Variants in CHRM3 observed in about 807,000 individuals in gnomAD.
The protein encoded by CHRM3 is muscarinic acetylcholine receptor M3.
Under a neutral mutation model 41.8 loss-of-function variants are expected in CHRM3, and 11 were observed. The ratio of observed to expected loss-of-function variants is 0.26; its 90% confidence interval spans 0.17 to 0.44. CHRM3 has a LOEUF of 0.44. Ranked by LOEUF, CHRM3 falls within the 20% of genes least tolerant of loss-of-function variation. CHRM3 has a pLI of 1.00. For synonymous variants in CHRM3, 297 were observed against 301.4 expected (o/e 0.99, Z 0.15); for missense variants, 571 against 745.4 (o/e 0.77, Z 2.72).
At chr1:239,396,417 C>T (rs1659481947) in intron 1 of CHRM3, among the ~76,000 whole-genome samples, 1 of 151,918 alleles carries the variant, frequency 6.6e-6, no homozygotes, top group Admixed American at 6.6e-5. Flanking sequence ...TGAAGACCAA[C>T]CTGGGCAACT....
At chr1:239,568,223 C>T (rs1661530897) in intron 3 of CHRM3, among the ~76,000 whole-genome samples, 2 of 152,114 alleles carry the variant, frequency 1.3e-5, no homozygotes, top group Non-Finnish European at 2.9e-5. Flanking sequence ...TTGGCTGTGT[C>T]CCCATTCAAA....
chr1:239,538,348 C>A (rs563425996), intron 2 of CHRM3, among the ~76,000 whole-genome samples: 1 of 152,052 alleles, frequency 6.6e-6, no homozygotes, highest in Non-Finnish European at 1.5e-5. Context: ...CTCTGTTGGC[C>A]GTTTGCCCTA....
intron 3 of CHRM3, among the ~76,000 whole-genome samples, chr1:239,605,272 G>A (rs2148712029): frequency 6.6e-6 from 1 of 152,134 alleles, no homozygotes; most frequent in African/African-American, 2.4e-5. Context: ...ATTATAACAT[G>A]GTATTTTTAC....
chr1:239,585,492 G>A (rs896252200), intron 3 of CHRM3, among the ~76,000 whole-genome samples: 1 of 152,172 alleles, frequency 6.6e-6, no homozygotes, highest in Non-Finnish European at 1.5e-5. Context: ...GATTAGAGAT[G>A]TGTGGAAGAA....
At chr1:239,501,089 C>T (rs1047585895) in intron 2 of CHRM3, among the ~76,000 whole-genome samples, 3 of 152,158 alleles carry the variant, frequency 2.0e-5, no homozygotes, top group Non-Finnish European at 4.4e-5. Context: ...CCATCCTAAA[C>T]ATATGTGCAC....
At chr1:239,766,605 T>C (rs479933) in intron 5 of CHRM3, among the ~76,000 whole-genome samples, 111,555 of 151,690 alleles carry the variant, frequency 0.74, 41,398 homozygotes, top group African/African-American at 0.77. Context: ...CAAACGAAGT[T>C]CACAGGATAT....
chr1:239,726,724 T>A (rs1663473993), intron 5 of CHRM3, among the ~76,000 whole-genome samples: 2 of 151,980 alleles, frequency 1.3e-5, no homozygotes, highest in African/African-American at 4.8e-5. Context: ...GCTTAGCTTT[T>A]CTTCTGTGAA....
In CHRM3 at chr1:239,840,563, T is replaced by C. The variant is rs1673710530; in HGVS notation, c.-20+13185T>C. Among the ~76,000 whole-genome samples the C allele has an allele frequency of 3.3e-5, 5 of 152,290 alleles. No individual in the cohort carries two copies. In the South Asian group the frequency reaches 1.0e-3, roughly 32 times the overall value. On this transcript the variant is annotated intron_variant, in intron 6 of 6. Transcript: ENST00000676153. Reference sequence around the variant, plus strand: ...GTCTACTGCCCTGGAGGAAAAAGCATAGGCAGCTGTAGTACACACCATTGA... The same window carrying C: ...GTCTACTGCCCTGGAGGAAAAAGCACAGGCAGCTGTAGTACACACCATTGA...
chr1:239,816,351 C>T (rs1016362647), intron 5 of CHRM3, among the ~76,000 whole-genome samples: 9 of 152,062 alleles, frequency 5.9e-5, no homozygotes, highest in African/African-American at 2.2e-4. Context: ...TTTTTTGTTC[C>T]TTTTTTTAAA....
At chr1:239,809,059 AC>A (rs34891290) in intron 5 of CHRM3, among the ~76,000 whole-genome samples, 41,247 of 137,602 alleles carry the variant, frequency 0.3, 7,283 homozygotes, top group African/African-American at 0.52. Context: ...TTGCTCTGTC[AC>A]CCAGGCTGGA....
chr1:239,871,703 A>C (rs1313763539), intron 6 of CHRM3, among the ~76,000 whole-genome samples: 3 of 152,146 alleles, frequency 2.0e-5, no homozygotes. Context: ...AGGTACATGC[A>C]GTTTACATGA....
intron 6 of CHRM3, among the ~76,000 whole-genome samples, chr1:239,900,439 T>C (rs1357101207): frequency 2.0e-5 from 3 of 150,862 alleles, no homozygotes; most frequent in African/African-American, 4.9e-5. Context: ...GTTGTCATCC[T>C]GGGTACCGAT....
intron 1 of CHRM3, among the ~76,000 whole-genome samples, chr1:239,480,568 TTTTG>T (rs1666776174): frequency 6.9e-6 from 1 of 144,760 alleles, no homozygotes; most frequent in Non-Finnish European, 1.5e-5. Flanking sequence ...TTTTTTTTTT[TTTTG>T]TTGAGACGGA....
At chr1:239,797,632 A>G (rs10925978) in intron 5 of CHRM3, among the ~76,000 whole-genome samples, 7,820 of 152,296 alleles carry the variant, frequency 0.051, 326 homozygotes, top group East Asian at 0.24. Flanking sequence ...TTTGTTCCAA[A>G]GCATTTTAAA....
At chr1:239,529,441 G>A (rs747329220) in intron 2 of CHRM3, among the ~76,000 whole-genome samples, 7 of 151,758 alleles carry the variant, frequency 4.6e-5, no homozygotes, top group Non-Finnish European at 1.0e-4. Context: ...GTGAATGCCT[G>A]TCTCTACCAA....
At chr1:239,811,019 G>A (rs1402612573) in intron 5 of CHRM3, among the ~76,000 whole-genome samples, 2 of 152,226 alleles carry the variant, frequency 1.3e-5, no homozygotes, top group African/African-American at 4.8e-5. Context: ...CCTATTCATA[G>A]TCAAATTAAA....
At chr1:239,642,172 G>T (rs1671228263) in intron 4 of CHRM3, among the ~76,000 whole-genome samples, 1 of 141,810 alleles carries the variant, frequency 7.1e-6, no homozygotes, top group African/African-American at 2.7e-5. Context: ...TGGGTAACCC[G>T]ACCTTTCTCT....
chr1:239,654,381 A>G (rs1338007535), intron 4 of CHRM3, among the ~76,000 whole-genome samples: 3 of 152,178 alleles, frequency 2.0e-5, no homozygotes, highest in South Asian at 2.1e-4. Flanking sequence ...TACTTTTCCT[A>G]TGATGAATAG....
intron 3 of CHRM3, among the ~76,000 whole-genome samples, chr1:239,566,552 G>A (rs1661379991): frequency 6.6e-6 from 1 of 152,114 alleles, no homozygotes; most frequent in South Asian, 2.1e-4. Context: ...TTTGATTCAA[G>A]CTCTTCTGTG....
Sources: allele counts gnomAD v4.1 joint callset (sites outside exome capture counted in the v4.1 genomes callset), GRCh38; gene constraint gnomAD v4.1.1; transcripts MANE v1.5; gene names NCBI Gene and HGNC (gene_info 2026-07-23, HGNC 2026-07-21).